Variants in GABRR1 observed in about 807,000 individuals in gnomAD.
GABRR1 encodes the protein gamma-aminobutyric acid receptor subunit rho-1.
Under a neutral mutation model 55.5 loss-of-function variants are expected in GABRR1, and 59 were observed. The ratio of observed to expected loss-of-function variants is 1.06; its 90% CI spans 0.86 to 1.32. GABRR1 has a LOEUF of 1.32. Ranked by LOEUF, GABRR1 falls within the 40% of genes most tolerant of loss-of-function variation. GABRR1 has a pLI of 0.00. For missense variants in GABRR1, 602 were observed against 619.1 expected, an observed-to-expected ratio of 0.97 and a Z score of 0.29; for synonymous variants, 213 against 226.0, an observed-to-expected ratio of 0.94 and a Z score of 0.51.
chr6:89,220,907 A>C (rs1398073737), upstream of GABRR1, among the ~76,000 whole-genome samples: 2 of 152,038 alleles, frequency 1.3e-5, no homozygotes, highest in Non-Finnish European at 2.9e-5. Flanking sequence ...TTTAGTAGAG[A>C]CGGGGTTTCT....
At chr6:89,185,700 G>C (rs1295940860) in intron 6 of GABRR1, among the ~76,000 whole-genome samples, 1 of 152,148 alleles carries the variant, frequency 6.6e-6, no homozygotes, top group African/African-American at 2.4e-5. Context: ...CTGCAAAAGG[G>C]TTCACCCTAC....
chr6:89,190,066 T>A, intron 6 of GABRR1, 99 bp downstream of exon 6: 1 of 717,060 alleles, frequency 1.4e-6, no homozygotes. Context: ...AAAAGTCTAC[T>A]CATGAATAAG....
intron 4 of GABRR1, 69 bp downstream of exon 4, chr6:89,199,293 G>T: frequency 7.3e-7 from 1 of 1,363,494 alleles, no homozygotes; most frequent in Non-Finnish European, 1.0e-6. Flanking sequence ...ATTCAGGTGC[G>T]TGGAGCTCCT....
Position 89,181,918 on chromosome 6 carries a change from G to A in GABRR1, c.936C>T (p.Ala312=), listed in dbSNP as rs764556796. 3.7e-6 allele frequency: 6 copies of A among 1,612,804 alleles called. No individual in the cohort carries two copies. In the Admixed American group the frequency reaches 6.7e-5, roughly 18 times the overall value. Residue 312 remains alanine, a synonymous_variant, in exon 8 of 10, where the codon GCC becomes GCT. Transcript: ENST00000454853. ...SFWIDRRAVP[A]RVPLGITTVL... ...GGTATTCCTTACCTAAGGGGACTCT[G>A]GCAGGCACGGCTCTGCGGTCGATCC...
Position 89,178,483 on chromosome 6 carries a change from AGT to A in GABRR1, c.*285_*286del. The A allele has an allele frequency of 2.4e-6, 1 of 421,882 alleles. No individual in the cohort carries two copies. Among genetic ancestry groups the A allele is most frequent in the Non-Finnish European group, 4.4e-6 (1 of 229,694 alleles). 26.1% of individuals were successfully genotyped at this position (421,882 alleles called of 1,614,324 possible). A position where few individuals can be genotyped will look rare whatever the true frequency, so the allele number is the denominator to read the frequency against. ...AACTAAATGTGCCCACAACACTGGTAGTGTGCTTTTCCAGGGGATCTGGGTAA... is the reference window on the plus strand; with the variant it reads ...AACTAAATGTGCCCACAACACTGGTAGTGCTTTTCCAGGGGATCTGGGTAA... On this transcript the variant is annotated 3_prime_UTR_variant, in exon 10 of 10. Transcript: ENST00000454853.
intron 1 of GABRR1, among the ~76,000 whole-genome samples, chr6:89,228,542 C>G (rs1200754067): frequency 2.3e-4 from 21 of 92,534 alleles, no homozygotes; most frequent in Non-Finnish European, 4.1e-4. Context: ...CATTCAGGAG[C>G]AGGTTGTTCA....
chr6:89,196,876 A>AAAGAAAGAAAGAAAGAAAAGAG (rs1554190903), intron 5 of GABRR1, among the ~76,000 whole-genome samples: 1 of 101,876 alleles, frequency 9.8e-6, no homozygotes, highest in Admixed American at 1.2e-4. Context: ...AGAAAGAAAG[A>AAAGAAAGAAAGAAAGAAAAGAG]AAGAGAAGAG....
chr6:89,218,310 G>A (rs1162151063), upstream of GABRR1, among the ~76,000 whole-genome samples: 1 of 152,116 alleles, frequency 6.6e-6, no homozygotes, highest in Non-Finnish European at 1.5e-5. Context: ...AGATCCAATA[G>A]AATGAGAATT....
intron 5 of GABRR1, among the ~76,000 whole-genome samples, chr6:89,195,184 G>C (rs960868565): frequency 1.3e-5 from 2 of 152,052 alleles, no homozygotes; most frequent in Admixed American, 6.6e-5. Flanking sequence ...ATTTGGGCCG[G>C]GCATGGTGGC....
At chr6:89,229,769 T>C (rs1432368281) in intron 1 of GABRR1, among the ~76,000 whole-genome samples, 2 of 91,340 alleles carry the variant, frequency 2.2e-5, no homozygotes, top group Admixed American at 1.2e-4. Flanking sequence ...AGGAGTATCT[T>C]TGTGGCATTC....
chr6:89,182,029 G>GA lies in GABRR1; in HGVS notation c.824dup (p.Thr276HisfsTer128), dbSNP rs1235213428. 6.2e-7 allele frequency: 1 copy of GA among 1,614,008 alleles called. No individual in the cohort carries two copies. The highest frequency in any genetic ancestry group is 8.5e-7 in the Non-Finnish European group (1 of 1,180,022). On this transcript the variant is annotated frameshift_variant, in exon 8 of 10. Transcript: ENST00000454853. LOFTEE classifies it high-confidence loss of function. ...AGAAGAAGATGTGGCGACGCAACGT[G>GA]AAATTAATGTAGAGACGGTTGTACC...
chr6:89,185,414 T>G lies in GABRR1; in HGVS notation c.692A>C (p.Lys231Thr), dbSNP rs1771872734. 1.9e-6 allele frequency: 3 copies of G among 1,613,786 alleles called. No individual in the cohort carries two copies. The African/African-American group carries it at 4.0e-5, about 22-fold the overall frequency. ...TGTCTTTAAGGAGTCATTGCCCTTT[T>G]TCCAGTACAGCATGAGGTCATCTTC... is the stretch of plus-strand genomic sequence containing the variant. ...YTEDDLMLYW[K>T]KGNDSLKTDE... is the part of the protein sequence containing the mutation. The change falls in exon 7 of 10, where the codon AAA becomes ACA. Residue 231 changes from lysine to threonine, a missense_variant. Coordinates refer to ENST00000454853, the MANE Select transcript of GABRR1 (RefSeq NM_002042.5).
chr6:89,194,537 G>A (rs1772202400), intron 5 of GABRR1, among the ~76,000 whole-genome samples: 1 of 152,106 alleles, frequency 6.6e-6, no homozygotes. Context: ...CTCCCCAAAA[G>A]GGGATCCTAA....
In GABRR1 at chr6:89,202,730, G is replaced by T. The variant is rs573527305; in HGVS notation, c.173+705C>A. Among the ~76,000 whole-genome samples the T allele has an allele frequency of 5.9e-5, 9 of 151,828 alleles. No individual in the cohort carries two copies. In the East Asian group the frequency reaches 1.7e-3, roughly 29 times the overall value. Reference sequence around the variant, plus strand: ...TATTTATTTTTAGAGACAGGGTCTTGCTCTGTCATCCAAGCTGGATTCAGT... The same window carrying T: ...TATTTATTTTTAGAGACAGGGTCTTTCTCTGTCATCCAAGCTGGATTCAGT... On this transcript the variant is annotated intron_variant, in intron 2 of 9. Transcript: ENST00000454853.
At chr6:89,181,274 C>G (rs1393011995) in intron 8 of GABRR1, among the ~76,000 whole-genome samples, 1 of 152,134 alleles carries the variant, frequency 6.6e-6, no homozygotes, top group Non-Finnish European at 1.5e-5. Context: ...TCACTAAAAC[C>G]TGGTGGGTCG....
chr6:89,192,564 C>CT (rs577439930), intron 5 of GABRR1, among the ~76,000 whole-genome samples: 1,591 of 130,350 alleles, frequency 0.012, 13 homozygotes, highest in East Asian at 0.021. Flanking sequence ...TCTTCTTCTT[C>CT]TTTTTTTTTT....
chr6:89,223,170 C>A (rs1424070107), intron 1 of GABRR1, among the ~76,000 whole-genome samples: 1 of 151,916 alleles, frequency 6.6e-6, no homozygotes, highest in East Asian at 1.9e-4. Context: ...TATACTGAAC[C>A]CATTTTGTAG....
In GABRR1 at chr6:89,180,273, A is replaced by T. The variant is rs1429542871; in HGVS notation, c.1146+19T>A. 6.2e-7 allele frequency: 1 copy of T among 1,610,906 alleles called. No homozygotes were observed. The highest frequency in any genetic ancestry group is 8.5e-7 in the Non-Finnish European group (1 of 1,178,664). On this transcript the variant is annotated intron_variant, in intron 9 of 9. Coordinates refer to ENST00000454853, the MANE Select transcript of GABRR1 (RefSeq NM_002042.5). ...AGGTTCCATCCTGACCAGACACTATAAGCGCATGGCAAAGTCACCTTCTCC... is the reference window on the plus strand; with the variant it reads ...AGGTTCCATCCTGACCAGACACTATTAGCGCATGGCAAAGTCACCTTCTCC...
chr6:89,219,134 C>T (rs1386772169), upstream of GABRR1, among the ~76,000 whole-genome samples: 6 of 152,032 alleles, frequency 3.9e-5, no homozygotes, highest in African/African-American at 7.3e-5. Context: ...GGTGTGGTGG[C>T]GGGCACCTGT....
Sources: allele counts gnomAD v4.1 joint callset (sites outside exome capture counted in the v4.1 genomes callset), GRCh38; gene constraint gnomAD v4.1.1; transcripts MANE v1.5; gene names NCBI Gene and HGNC (gene_info 2026-07-23, HGNC 2026-07-21).